Variants in PRKN observed in about 807,000 individuals in gnomAD.
PRKN encodes the protein parkin RBR E3 ubiquitin protein ligase, also known as E3 ubiquitin-protein ligase parkin.
Under a neutral mutation model 59.5 loss-of-function variants are expected in PRKN, and 56 were observed. The ratio of observed to expected loss-of-function variants is 0.94; its 90% CI spans 0.76 to 1.18. The LOEUF (loss-of-function observed/expected upper bound fraction) is 1.18, where lower values mean the gene tolerates loss of function less well. Among genes scored for constraint, PRKN ranks in the 50% most tolerant of loss-of-function variants. The probability of loss-of-function intolerance (pLI) is 0.00; values close to 1 mark genes in which losing one functional copy is unlikely to be tolerated. For synonymous variants in PRKN, 250 were observed against 222.1 expected (o/e 1.13, Z -1.12); for missense variants, 657 against 596.4 (o/e 1.10, Z -1.06).
chr6:162,374,817 T>G lies in PRKN; in HGVS notation c.171+68493A>C, dbSNP rs148497230. ...TATTATGACTATTAGGAAGATAATA[T>G]TAAGAGTTTGAAATATGGTTTCTGG... On this transcript the variant is annotated intron_variant, in intron 2 of 11. Coordinates refer to ENST00000366898, the MANE Select transcript of PRKN (RefSeq NM_004562.3). 2.7e-3 allele frequency among the ~76,000 whole-genome samples: 410 copies of G among 152,182 alleles called. 1 individual carries two copies. The highest frequency in any genetic ancestry group is 8.8e-3 in the African/African-American group (367 of 41,536).
chr6:162,010,076 G>A (rs903522454), intron 5 of PRKN, among the ~76,000 whole-genome samples: 2 of 150,762 alleles, frequency 1.3e-5, no homozygotes, highest in African/African-American at 4.9e-5. Flanking sequence ...AGGAAGCAAT[G>A]GAACATTTTA....
chr6:162,195,731 A>G (rs914947407), intron 4 of PRKN, among the ~76,000 whole-genome samples: 2 of 152,152 alleles, frequency 1.3e-5, no homozygotes, highest in Admixed American at 6.6e-5. Flanking sequence ...TGGCTACAGT[A>G]ATCTCCTGGC....
chr6:162,593,974 G>A (rs1468939775), intron 1 of PRKN, among the ~76,000 whole-genome samples: 1 of 151,988 alleles, frequency 6.6e-6, no homozygotes, highest in African/African-American at 2.4e-5. Context: ...CATGGCAAAA[G>A]CCCGCCTCTA....
intron 7 of PRKN, among the ~76,000 whole-genome samples, chr6:161,732,481 T>TGTGTG (rs1554298354): frequency 6.4e-4 from 83 of 130,296 alleles, no homozygotes; most frequent in African/African-American, 3.9e-3. Context: ...GAGGTTTTTT[T>TGTGTG]TTTTTGTGTG....
chr6:162,128,863 C>T (rs1009347723), intron 4 of PRKN, among the ~76,000 whole-genome samples: 2 of 152,172 alleles, frequency 1.3e-5, no homozygotes, highest in Admixed American at 1.3e-4. Context: ...TCAGAAGACA[C>T]CTAATCTGCT....
At chr6:161,887,925 T>C (rs1368848566) in intron 6 of PRKN, among the ~76,000 whole-genome samples, 1 of 152,230 alleles carries the variant, frequency 6.6e-6, no homozygotes, top group Non-Finnish European at 1.5e-5. Flanking sequence ...TCCACTGTTT[T>C]ATGAATTTGT....
chr6:161,992,733 C>A lies in PRKN; in HGVS notation c.619-19316G>T, dbSNP rs1016582463. On this transcript the variant is annotated intron_variant, in intron 5 of 11. Coordinates refer to ENST00000366898, the MANE Select transcript of PRKN (RefSeq NM_004562.3). ...GAAGTCTCAAGAAATTTGTTAAAAT[C>A]AAAATCATATCAGATATTAATATCT... Among the ~76,000 whole-genome samples the A allele has an allele frequency of 5.3e-5, 8 of 152,196 alleles. No individual in the cohort carries two copies. The East Asian group carries it at 1.5e-3, about 29-fold the overall frequency.
intron 7 of PRKN, among the ~76,000 whole-genome samples, chr6:161,672,677 G>A (rs1484454431): frequency 6.6e-6 from 1 of 152,160 alleles, no homozygotes; most frequent in African/African-American, 2.4e-5. Flanking sequence ...TTGGGAAGGT[G>A]AGACAGGAGA....
intron 6 of PRKN, among the ~76,000 whole-genome samples, chr6:161,902,968 G>A (rs1203909803): frequency 6.6e-6 from 1 of 152,160 alleles, no homozygotes; most frequent in Non-Finnish European, 1.5e-5. Context: ...TGCAAGATGG[G>A]CAAGACGGTG....
At chr6:161,453,690 C>A (rs1487607406) in intron 9 of PRKN, among the ~76,000 whole-genome samples, 1 of 151,796 alleles carries the variant, frequency 6.6e-6, no homozygotes. Context: ...AAAGAGAACT[C>A]CAACTAATGC....
At chr6:161,650,588 G>A (rs1784116368) in intron 7 of PRKN, among the ~76,000 whole-genome samples, 1 of 152,176 alleles carries the variant, frequency 6.6e-6, no homozygotes, top group African/African-American at 2.4e-5. Context: ...TGGAGACCGA[G>A]AGAGATTGAT....
chr6:162,139,968 T>C (rs1215711481), intron 4 of PRKN, among the ~76,000 whole-genome samples: 1 of 152,080 alleles, frequency 6.6e-6, no homozygotes, highest in East Asian at 1.9e-4. Context: ...TATAGGAAAG[T>C]CCATTATATT....
chr6:162,302,555 G>A (rs1294487086), intron 2 of PRKN, among the ~76,000 whole-genome samples: 1 of 152,056 alleles, frequency 6.6e-6, no homozygotes, highest in Non-Finnish European at 1.5e-5. Context: ...AGCCAGTGAG[G>A]AATGGAGTCC....
intron 3 of PRKN, among the ~76,000 whole-genome samples, chr6:162,219,233 T>C (rs1462718800): frequency 6.6e-6 from 1 of 152,074 alleles, no homozygotes; most frequent in African/African-American, 2.4e-5. Context: ...AGCCAAAGAC[T>C]TCACTTGCTC....
intron 1 of PRKN, among the ~76,000 whole-genome samples, chr6:162,475,330 G>A (rs1486806384): frequency 6.6e-6 from 1 of 152,090 alleles, no homozygotes; most frequent in Admixed American, 6.6e-5. Flanking sequence ...AAGTGTTGTG[G>A]GCCAAAAGCC....
rs187969138 is a variant in PRKN, at chr6:161,384,155, G to A, written c.1167+2639C>T. On this transcript the variant is annotated intron_variant, in intron 10 of 11. Transcript: ENST00000366898. Reference sequence around the variant, plus strand: ...AACCTCTGTGGCATCTATTGAAGCCGTAGAAACTCCATGGGAGCAGGGACG... The same window carrying A: ...AACCTCTGTGGCATCTATTGAAGCCATAGAAACTCCATGGGAGCAGGGACG... 1.9e-4 allele frequency among the ~76,000 whole-genome samples: 29 copies of A among 152,256 alleles called. No individual in the cohort carries two copies. The East Asian group carries it at 5.2e-3, about 27-fold the overall frequency.
At chr6:161,946,333 T>C (rs577372503) in intron 6 of PRKN, among the ~76,000 whole-genome samples, 77 of 150,266 alleles carry the variant, frequency 5.1e-4, no homozygotes, top group African/African-American at 1.8e-3. Context: ...TTAGAATCTT[T>C]AGGAGAAATA....
In PRKN at chr6:162,404,041, T is replaced by C. The variant is rs1257277338; in HGVS notation, c.171+39269A>G. Reference sequence around the variant, plus strand: ...CTATCCTAATACATAAAATAGAGGTTGGTTGGCAATTTGCTGCTTCATCTG... The same window carrying C: ...CTATCCTAATACATAAAATAGAGGTCGGTTGGCAATTTGCTGCTTCATCTG... On this transcript the variant is annotated intron_variant, in intron 2 of 11. Transcript: ENST00000366898. Among the ~76,000 whole-genome samples, 8 of 152,236 alleles carry C rather than the reference T, an allele frequency of 5.3e-5. No individual in the cohort carries two copies. In the East Asian group the frequency reaches 1.5e-3, roughly 29 times the overall value.
At chr6:162,639,792 A>G (rs1230393347) in intron 1 of PRKN, among the ~76,000 whole-genome samples, 1 of 152,182 alleles carries the variant, frequency 6.6e-6, no homozygotes. Flanking sequence ...GTTTGGTCTA[A>G]TTATTCACAT....
Sources: allele counts gnomAD v4.1 joint callset (sites outside exome capture counted in the v4.1 genomes callset), GRCh38; gene constraint gnomAD v4.1.1; transcripts MANE v1.5; gene names NCBI Gene and HGNC (gene_info 2026-07-23, HGNC 2026-07-21).